The following CFAP299 variants were observed in gnomAD, a reference collection of about 807,000 sequenced individuals.
CFAP299 encodes cilia- and flagella-associated protein 299.
Under a neutral mutation model 27.0 loss-of-function variants are expected in CFAP299, and 21 were observed. That is an observed-to-expected ratio of 0.78 (90% CI 0.55 to 1.12). The LOEUF is 1.12. Among genes scored for constraint, CFAP299 ranks in the 50% most tolerant of loss-of-function variants. The pLI is 0.00. For missense variants in CFAP299, 310 were observed against 276.6 expected (o/e 1.12, Z -0.86); for synonymous variants, 104 against 98.1 (o/e 1.06, Z -0.36).
chr4:80,505,405 C>A (rs532719303), intron 2 of CFAP299, among the ~76,000 whole-genome samples: 1 of 152,148 alleles, frequency 6.6e-6, no homozygotes, highest in East Asian at 1.9e-4. Flanking sequence ...GAAATGGTGT[C>A]TTATTATTAC....
At chr4:80,553,748 G>A (rs1325758989) in intron 2 of CFAP299, among the ~76,000 whole-genome samples, 1 of 152,096 alleles carries the variant, frequency 6.6e-6, no homozygotes, top group Non-Finnish European at 1.5e-5. Flanking sequence ...TTCTCAAATG[G>A]TCAGTGATAC....
intron 3 of CFAP299, among the ~76,000 whole-genome samples, chr4:80,800,204 A>C (rs1219583353): frequency 8.1e-5 from 6 of 74,076 alleles, no homozygotes; most frequent in Non-Finnish European, 1.4e-4. Context: ...ATATAATATA[A>C]TATATAATAT....
At chr4:80,396,076 A>G (rs1725771524) in intron 2 of CFAP299, among the ~76,000 whole-genome samples, 1 of 152,174 alleles carries the variant, frequency 6.6e-6, no homozygotes, top group South Asian at 2.1e-4. Context: ...CCATTGCACT[A>G]TGTGTCACTG....
At chr4:80,854,178 G>A (rs546333931) in intron 3 of CFAP299, among the ~76,000 whole-genome samples, 1 of 152,220 alleles carries the variant, frequency 6.6e-6, no homozygotes, top group Non-Finnish European at 1.5e-5. Flanking sequence ...CACAAAAAGA[G>A]GTGGTGAACA....
intron 2 of CFAP299, among the ~76,000 whole-genome samples, chr4:80,572,016 A>C (rs1735603346): frequency 6.6e-6 from 1 of 152,178 alleles, no homozygotes; most frequent in South Asian, 2.1e-4. Context: ...CATATGAAAC[A>C]TCTTTAATGT....
In CFAP299 at chr4:80,362,827, T is replaced by C; in HGVS notation, c.185T>C (p.Phe62Ser). ...GGAGAGAGAGTGAAAAGGGAAGATT[T>C]TGAAGCAAGGAAAGCGGCTATAGAG... ...GTGERVKRED[F>S]EARKAAIEIA... is the part of the protein sequence containing the mutation. Residue 62 changes from phenylalanine (F) to serine (S), a missense_variant, in exon 2 of 6, where the codon TTT becomes TCT. Phe to Ser is a radical substitution (Grantham distance 155). Coordinates refer to ENST00000358105, the MANE Select transcript of CFAP299 (RefSeq NM_152770.3). The C allele has an allele frequency of 6.2e-7, 1 of 1,613,168 alleles. No individual in the cohort carries two copies. Among genetic ancestry groups the C allele is most frequent in the Non-Finnish European group, 8.5e-7 (1 of 1,179,766 alleles).
At chr4:80,578,803 TA>T (rs1488139618) in intron 2 of CFAP299, among the ~76,000 whole-genome samples, 6 of 152,196 alleles carry the variant, frequency 3.9e-5, no homozygotes, top group African/African-American at 1.4e-4. Flanking sequence ...TATTTTAGTT[TA>T]ATTTTTATTA....
At chr4:80,825,217 G>A (rs1241414803) in intron 3 of CFAP299, among the ~76,000 whole-genome samples, 2 of 151,560 alleles carry the variant, frequency 1.3e-5, no homozygotes, top group African/African-American at 4.8e-5. Flanking sequence ...AAATTATTAT[G>A]TCCGAGGAAA....
intron 3 of CFAP299, among the ~76,000 whole-genome samples, chr4:80,810,351 G>A (rs886222372): frequency 6.8e-6 from 1 of 147,682 alleles, no homozygotes; most frequent in Non-Finnish European, 1.5e-5. Context: ...CCCAACCCCT[G>A]ACACACACAC....
intron 3 of CFAP299, among the ~76,000 whole-genome samples, chr4:80,842,355 A>G (rs1232268803): frequency 6.6e-6 from 1 of 152,112 alleles, no homozygotes; most frequent in Non-Finnish European, 1.5e-5. Context: ...CTATCAGAGT[A>G]GGAGAATGGC....
chr4:80,917,159 C>T (rs1180461663), intron 4 of CFAP299, among the ~76,000 whole-genome samples: 2 of 152,058 alleles, frequency 1.3e-5, no homozygotes, highest in African/African-American at 4.8e-5. Context: ...AAAATAGCTT[C>T]AAGTGGGAGA....
intron 1 of CFAP299, among the ~76,000 whole-genome samples, chr4:80,345,905 T>C (rs1722702473): frequency 6.6e-6 from 1 of 152,178 alleles, no homozygotes; most frequent in Non-Finnish European, 1.5e-5. Context: ...TGTAAAAGCG[T>C]TCCTATTTCT....
chr4:80,551,329 C>A (rs377035110), intron 2 of CFAP299, among the ~76,000 whole-genome samples: 2 of 152,118 alleles, frequency 1.3e-5, no homozygotes, highest in South Asian at 4.2e-4. Context: ...ACAACAATGT[C>A]AAAATGATTA....
chr4:80,323,460 C>T, the CFAP299 span, among the ~76,000 whole-genome samples: 6 of 152,186 alleles, frequency 3.9e-5, no homozygotes, highest in Non-Finnish European at 8.8e-5. Context: ...ACTAGACACA[C>T]ACTGGTATTT....
intron 3 of CFAP299, among the ~76,000 whole-genome samples, chr4:80,683,201 T>A (rs1719955356): frequency 6.6e-6 from 1 of 152,212 alleles, no homozygotes; most frequent in Admixed American, 6.5e-5. Context: ...TGTGAATTCT[T>A]TATAAATAAT....
intron 2 of CFAP299, among the ~76,000 whole-genome samples, chr4:80,513,278 C>T (rs190866147): frequency 1.3e-5 from 2 of 152,254 alleles, no homozygotes; most frequent in East Asian, 3.9e-4. Context: ...TAGGCAGCAG[C>T]TGTGAGCCAC....
At chr4:80,662,114 G>T (rs1375772182) in intron 3 of CFAP299, among the ~76,000 whole-genome samples, 2 of 152,146 alleles carry the variant, frequency 1.3e-5, no homozygotes, top group Non-Finnish European at 2.9e-5. Context: ...CTGTGGTCCT[G>T]TGATCTCGCC....
At chr4:80,515,706 A>G (rs1471017442) in intron 2 of CFAP299, among the ~76,000 whole-genome samples, 3 of 152,188 alleles carry the variant, frequency 2.0e-5, no homozygotes, top group Non-Finnish European at 4.4e-5. Flanking sequence ...ATAGAACCCA[A>G]TAAAACTGCC....
At chr4:80,906,276 G>C (rs1248401391) in intron 4 of CFAP299, among the ~76,000 whole-genome samples, 1 of 152,214 alleles carries the variant, frequency 6.6e-6, no homozygotes, top group Non-Finnish European at 1.5e-5. Flanking sequence ...TGATGGAAGA[G>C]GTAGGCTCCC....
Sources: gnomAD v4.1 joint callset for allele counts (sites outside exome capture counted in the v4.1 genomes callset) on GRCh38, gnomAD v4.1.1 for gene constraint, MANE v1.5 for transcripts, NCBI Gene and HGNC (gene_info 2026-07-23, HGNC 2026-07-21) for gene names.